PPFIA2: variants seen among roughly 807,000 people sequenced by gnomAD.
PPFIA2 encodes the protein PPFI scaffold protein A2.
In PPFIA2, 46 loss-of-function variants were observed where a neutral mutation model predicts 175.5. The ratio of observed to expected loss-of-function variants is 0.26; its 90% CI spans 0.21 to 0.34. PPFIA2 has a LOEUF of 0.34. PPFIA2 is among the 10% of genes least tolerant of loss of function. PPFIA2 has a pLI of 1.00. For missense variants in PPFIA2, 1,179 were observed against 1,506.1 expected (o/e 0.78, Z 3.60); for synonymous variants, 568 against 511.4 (o/e 1.11, Z -1.49).
intron 21 of PPFIA2, among the ~76,000 whole-genome samples, chr12:81,334,572 T>C (rs893255840): frequency 6.6e-6 from 1 of 152,126 alleles, no homozygotes; most frequent in Non-Finnish European, 1.5e-5. Context: ...GAACTCTTTC[T>C]CTTCAAGTAA....
chr12:81,686,209 G>C (rs1228893649), intron 3 of PPFIA2, among the ~76,000 whole-genome samples: 1 of 152,040 alleles, frequency 6.6e-6, no homozygotes, highest in Non-Finnish European at 1.5e-5. Flanking sequence ...ATTCTGAGGT[G>C]GCTGATATCC....
chr12:81,415,177 T>TAAAAA (rs1165680008), intron 7 of PPFIA2, among the ~76,000 whole-genome samples: 1 of 15,344 alleles, frequency 6.5e-5, no homozygotes. Flanking sequence ...TTGGTTCAGG[T>TAAAAA]AAAAAAAAAA....
chr12:81,263,788 C>T (rs1380020966), intron 30 of PPFIA2, among the ~76,000 whole-genome samples: 1 of 152,166 alleles, frequency 6.6e-6, no homozygotes, highest in Non-Finnish European at 1.5e-5. Context: ...TTAACTCACA[C>T]ACTTGAATGA....
At chr12:81,678,929 C>T (rs1213250058) in intron 3 of PPFIA2, among the ~76,000 whole-genome samples, 1 of 151,694 alleles carries the variant, frequency 6.6e-6, no homozygotes, top group African/African-American at 2.4e-5. Context: ...CAACATCATG[C>T]CCAACATAAA....
At chr12:81,611,523 A>G (rs2060907390) in intron 4 of PPFIA2, among the ~76,000 whole-genome samples, 1 of 152,060 alleles carries the variant, frequency 6.6e-6, no homozygotes, top group African/African-American at 2.4e-5. Flanking sequence ...ATATACAGCA[A>G]CACATTCAGC....
chr12:81,417,086 G>C (rs1300458048), intron 7 of PPFIA2, among the ~76,000 whole-genome samples: 2 of 151,698 alleles, frequency 1.3e-5, no homozygotes, highest in Non-Finnish European at 3.0e-5. Context: ...AATTTAAAAA[G>C]ATAAATCTGC....
intron 3 of PPFIA2, among the ~76,000 whole-genome samples, chr12:81,716,673 G>T (rs1223255752): frequency 6.6e-6 from 1 of 151,566 alleles, no homozygotes; most frequent in Admixed American, 6.6e-5. Flanking sequence ...TGCTTTAAAC[G>T]TAGTTTTGTT....
intron 7 of PPFIA2, among the ~76,000 whole-genome samples, chr12:81,439,547 A>T (rs1420201857): frequency 6.6e-6 from 1 of 152,130 alleles, no homozygotes; most frequent in East Asian, 1.9e-4. Flanking sequence ...ACTAAATATG[A>T]GTACAGTGCT....
chr12:81,542,148 C>T (rs191061130), intron 4 of PPFIA2, among the ~76,000 whole-genome samples: 26 of 152,166 alleles, frequency 1.7e-4, no homozygotes, highest in African/African-American at 5.5e-4. Context: ...TTGGGTGGGC[C>T]TTACATGCAC....
At chr12:81,642,469 G>C (rs935351033) in intron 4 of PPFIA2, among the ~76,000 whole-genome samples, 8 of 150,644 alleles carry the variant, frequency 5.3e-5, no homozygotes, top group Non-Finnish European at 1.0e-4. Context: ...AATATATGCA[G>C]TTCCTTCCAT....
intron 22 of PPFIA2, among the ~76,000 whole-genome samples, chr12:81,309,295 G>A (rs1347724523): frequency 2.0e-5 from 3 of 152,064 alleles, no homozygotes; most frequent in Non-Finnish European, 4.4e-5. Flanking sequence ...ATTCTGGTCA[G>A]CAAATGCAAA....
intron 4 of PPFIA2, among the ~76,000 whole-genome samples, chr12:81,479,933 C>G (rs1160656090): frequency 1.3e-5 from 2 of 152,050 alleles, no homozygotes; most frequent in African/African-American, 4.8e-5. Context: ...TCTGCATTTC[C>G]TGAATTTGAA....
intron 7 of PPFIA2, among the ~76,000 whole-genome samples, chr12:81,427,821 G>A (rs920844638): frequency 1.1e-4 from 16 of 151,822 alleles, no homozygotes; most frequent in African/African-American, 2.9e-4. Context: ...CAAATATTAC[G>A]ACTTCTTTGA....
intron 4 of PPFIA2, among the ~76,000 whole-genome samples, chr12:81,557,200 C>G (rs1178986747): frequency 6.6e-6 from 1 of 151,638 alleles, no homozygotes; most frequent in Non-Finnish European, 1.5e-5. Flanking sequence ...TATCTACACA[C>G]ACACACACAC....
chr12:81,714,601 A>T (rs943813664), intron 3 of PPFIA2, among the ~76,000 whole-genome samples: 1 of 151,080 alleles, frequency 6.6e-6, no homozygotes, highest in Non-Finnish European at 1.5e-5. Context: ...GTGGTTATAG[A>T]AAGAAAAGGC....
At chr12:81,551,068 T>G (rs1395741924) in intron 4 of PPFIA2, among the ~76,000 whole-genome samples, 1 of 150,608 alleles carries the variant, frequency 6.6e-6, no homozygotes, top group South Asian at 2.1e-4. Context: ...AGCAACTTTA[T>G]TGGCATGACT....
intron 4 of PPFIA2, among the ~76,000 whole-genome samples, chr12:81,547,105 T>C (rs549563403): frequency 6.6e-6 from 1 of 152,286 alleles, no homozygotes; most frequent in African/African-American, 2.4e-5. Context: ...TATTTGCCCG[T>C]GACAAACTGC....
intron 22 of PPFIA2, among the ~76,000 whole-genome samples, chr12:81,319,907 T>C (rs1263100914): frequency 1.3e-4 from 20 of 151,950 alleles, no homozygotes; most frequent in Non-Finnish European, 2.9e-4. Flanking sequence ...CCAGAGACAG[T>C]TCCTACTGCA....
rs748038065 is a variant in PPFIA2 at position 81,754,023 on chromosome 12, T to C, written c.199A>G (p.Ile67Val). ...CTCTGGAGTGAGTCTCGGTCATAGA[T>C]GACATCCTGAAGTCTTTGCTGGGCA... ...SLAQQRLQDV[I>V]YDRDSLQRQL... Residue 67 changes from isoleucine to valine, a missense_variant, in exon 3 of 33, where the codon ATC (isoleucine) becomes GTC (valine). Ile to Val is a conservative substitution (Grantham distance 29, BLOSUM62 3). Around this residue, in one of 10 missense-constraint regions of PPFIA2, gnomAD observed 128 missense variants for 141.4 expected, o/e 0.91. Transcript: ENST00000549396. 6.2e-7 allele frequency: 1 copy of C among 1,613,940 alleles called. No individual in the cohort carries two copies. Among genetic ancestry groups the C allele is most frequent in the African/African-American group, 1.3e-5 (1 of 75,056 alleles).
Sources: allele counts gnomAD v4.1 joint callset (sites outside exome capture counted in the v4.1 genomes callset), GRCh38; gene constraint gnomAD v4.1.1; regional missense constraint gnomAD v4.1.1; transcripts MANE v1.5; gene names NCBI Gene and HGNC (gene_info 2026-07-23, HGNC 2026-07-21).